The following ARMC3 variants were observed in gnomAD, a reference collection of about 807,000 sequenced individuals.
ARMC3 encodes the protein armadillo repeat containing 3.
A neutral mutation model predicts 90.3 loss-of-function variants in ARMC3; 74 were observed. That is an observed-to-expected ratio of 0.82 (90% CI 0.68 to 0.99). ARMC3 has a LOEUF of 0.99. ARMC3 is among the 50% of genes least tolerant of loss of function. The pLI is 0.00. For missense variants in ARMC3, 958 were observed against 1,042.8 expected, an observed-to-expected ratio of 0.92 and a Z score of 1.12; for synonymous variants, 334 against 361.8, an observed-to-expected ratio of 0.92 and a Z score of 0.87.
intron 16 of ARMC3, among the ~76,000 whole-genome samples, chr10:23,010,214 T>C (rs180801209): frequency 7.5e-6 from 1 of 133,296 alleles, no homozygotes; most frequent in Admixed American, 7.4e-5. Context: ...CTCCGCTTCT[T>C]TGTCCTTCCC....
At chr10:22,956,075 CAAA>C in intron 4 of ARMC3, 143 bp downstream of exon 4, 2 of 747,930 alleles carry the variant, frequency 2.7e-6, no homozygotes, top group South Asian at 2.8e-5. Flanking sequence ...TATAATGCAG[CAAA>C]TGTGTGATTT....
intron 2 of ARMC3, among the ~76,000 whole-genome samples, chr10:22,942,676 C>T (rs924101026): frequency 2.0e-5 from 3 of 152,066 alleles, no homozygotes; most frequent in Non-Finnish European, 2.9e-5. Context: ...GAAAACTGTT[C>T]GACAGTACCT....
intron 16 of ARMC3, among the ~76,000 whole-genome samples, chr10:23,013,100 T>C (rs1838096765): frequency 6.6e-6 from 1 of 152,166 alleles, no homozygotes. Context: ...GGTTTTGCCA[T>C]GCTGGCCAGA....
chr10:22,947,454 T>G (rs1834577178), intron 3 of ARMC3, among the ~76,000 whole-genome samples: 1 of 152,158 alleles, frequency 6.6e-6, no homozygotes, highest in South Asian at 2.1e-4. Flanking sequence ...ATAACCCCAG[T>G]TTAATAATGA....
Position 23,006,980 on chromosome 10 carries a change from G to T in ARMC3, c.1828G>T (p.Val610Phe), listed in dbSNP as rs375931697. 1.9e-6 allele frequency: 3 copies of T among 1,601,316 alleles called. No individual in the cohort carries two copies. The highest frequency in any genetic ancestry group is 2.6e-6 in the Non-Finnish European group (3 of 1,173,238). The change falls in exon 14 of 19, where the codon GTT becomes TTT. Residue 610 changes from valine (V) to phenylalanine (F), a missense_variant and splice_region_variant. Val to Phe is a conservative substitution (Grantham distance 50). Coordinates refer to ENST00000298032, the MANE Select transcript of ARMC3 (RefSeq NM_173081.5). Reference protein sequence around the residue: ...AVLLINSKSYVSPPSSMEDKS... With the variant: ...AVLLINSKSYFSPPSSMEDKS... Reference sequence around the variant, plus strand: ...ACTCTTAATCAACAGTAAATCTTACGTGTGAGTCTCTGCAGGGAGAGGGGA... The same window carrying T: ...ACTCTTAATCAACAGTAAATCTTACTTGTGAGTCTCTGCAGGGAGAGGGGA...
chr10:22,989,142 C>T (rs1249449160), intron 10 of ARMC3, among the ~76,000 whole-genome samples: 2 of 152,078 alleles, frequency 1.3e-5, no homozygotes, highest in Non-Finnish European at 1.5e-5. Context: ...ATGAAACGTA[C>T]GTTAATTTAA....
intron 1 of ARMC3, among the ~76,000 whole-genome samples, chr10:22,931,195 G>A (rs1425558081): frequency 1.3e-5 from 2 of 152,174 alleles, no homozygotes; most frequent in African/African-American, 4.8e-5. Flanking sequence ...CCAAAGAGCT[G>A]GGATTACAGG....
At chr10:22,930,846 T>G (rs373244141) in intron 1 of ARMC3, among the ~76,000 whole-genome samples, 30 of 152,230 alleles carry the variant, frequency 2.0e-4, no homozygotes, top group African/African-American at 7.0e-4. Context: ...ATGGCCCTGA[T>G]GTCAAACATA....
intron 17 of ARMC3, 104 bp from the exon 18 acceptor site, chr10:23,032,757 C>T: frequency 8.2e-7 from 1 of 1,216,996 alleles, no homozygotes; most frequent in African/African-American, 1.5e-5. Context: ...ACAAAAATCA[C>T]AGCAAATGTC....
At chr10:22,997,674 C>T (rs1312327229) in intron 10 of ARMC3, among the ~76,000 whole-genome samples, 1 of 152,166 alleles carries the variant, frequency 6.6e-6, no homozygotes, top group East Asian at 1.9e-4. Context: ...TTCCCATGCT[C>T]ACTCATTCCT....
chr10:22,937,142 A>T (rs1320055440), intron 2 of ARMC3, among the ~76,000 whole-genome samples: 1 of 152,032 alleles, frequency 6.6e-6, no homozygotes, highest in Non-Finnish European at 1.5e-5. Flanking sequence ...GGCTCAAGAG[A>T]TCTTCCCCCC....
intron 12 of ARMC3, among the ~76,000 whole-genome samples, chr10:23,002,279 AT>A (rs764864444): frequency 4.6e-5 from 7 of 152,152 alleles, no homozygotes; most frequent in African/African-American, 1.4e-4. Flanking sequence ...CACCTTCAGT[AT>A]TTTCTTCTAA....
At chr10:22,964,199 A>T (rs1835348292) in intron 7 of ARMC3, among the ~76,000 whole-genome samples, 1 of 152,180 alleles carries the variant, frequency 6.6e-6, no homozygotes, top group Non-Finnish European at 1.5e-5. Flanking sequence ...GGATAAATTT[A>T]CCAAACTTTT....
intron 13 of ARMC3, among the ~76,000 whole-genome samples, chr10:23,005,012 G>T (rs1837512948): frequency 6.9e-6 from 1 of 144,218 alleles, no homozygotes; most frequent in Non-Finnish European, 1.5e-5. Flanking sequence ...GTCAGATCGA[G>T]ACCATCCTGG....
At chr10:23,024,702 A>T (rs1157426008) in intron 16 of ARMC3, among the ~76,000 whole-genome samples, 2 of 152,176 alleles carry the variant, frequency 1.3e-5, no homozygotes, top group African/African-American at 4.8e-5. Context: ...TCAAAAAGCC[A>T]TAAATAAGTC....
chr10:23,002,582 CTTTTTCTTTCTTTT>C (rs1837355709), intron 12 of ARMC3, among the ~76,000 whole-genome samples: 2 of 114,938 alleles, frequency 1.7e-5, no homozygotes, highest in Admixed American at 1.8e-4. Context: ...TTCTTTCTTT[CTTTTTCTTTCTTTT>C]CTTTTTTTCT....
At chr10:22,930,358 T>G (rs1363123223) in intron 1 of ARMC3, among the ~76,000 whole-genome samples, 2 of 152,228 alleles carry the variant, frequency 1.3e-5, no homozygotes, top group Non-Finnish European at 2.9e-5. Flanking sequence ...ATATAAATTT[T>G]TATTACATTT....
chr10:22,981,698 AAAGT>A lies in ARMC3; in HGVS notation c.1175+3_1175+6del. The A allele has an allele frequency of 6.2e-7, 1 of 1,612,384 alleles. No homozygotes were observed. Among genetic ancestry groups the A allele is most frequent in the African/African-American group, 1.3e-5 (1 of 75,018 alleles). On this transcript the variant is annotated splice_donor_variant and coding_sequence_variant, in exon 10 of 19. Coordinates refer to ENST00000298032, the MANE Select transcript of ARMC3 (RefSeq NM_173081.5). LOFTEE classifies it high-confidence loss of function. ...TAACCACTTGCAACCCTGCTAATGC[AAAGT>A]AAGTTCAGAGATCCTCACCCAGCAC...
chr10:23,008,700 GA>G (rs1837762530), intron 15 of ARMC3, 114 bp from the exon 16 acceptor site: 1 of 845,300 alleles, frequency 1.2e-6, no homozygotes, highest in African/African-American at 1.7e-5. Context: ...GTTATATAAT[GA>G]AGTAAAAATT....
Sources: allele counts gnomAD v4.1 joint callset (sites outside exome capture counted in the v4.1 genomes callset), GRCh38; gene constraint gnomAD v4.1.1; transcripts MANE v1.5; gene names NCBI Gene and HGNC (gene_info 2026-07-23, HGNC 2026-07-21).